The following PTPRM variants were observed in gnomAD, a reference collection of about 807,000 sequenced individuals.
PTPRM encodes the protein receptor-type tyrosine-protein phosphatase mu.
Under a neutral mutation model 186.7 loss-of-function variants are expected in PTPRM, and 47 were observed. That is an observed-to-expected ratio of 0.25 (90% CI 0.20 to 0.32). PTPRM has a LOEUF of 0.32. Ranked by LOEUF, PTPRM falls within the 10% of genes least tolerant of loss-of-function variation. The pLI, the probability that PTPRM is intolerant of heterozygous loss-of-function variation, is 1.00. For synonymous variants in PTPRM, 668 were observed against 674.9 expected (o/e 0.99, Z 0.16); for missense variants, 1,494 against 1,865.0 (o/e 0.80, Z 3.66).
intron 1 of PTPRM, among the ~76,000 whole-genome samples, chr18:7,671,149 G>A (rs961501198): frequency 1.3e-5 from 2 of 152,124 alleles, no homozygotes; most frequent in African/African-American, 2.4e-5. Flanking sequence ...TAAACATCAT[G>A]CACCTCCTTG....
At chr18:7,913,349 A>G (rs1411982059) in intron 4 of PTPRM, among the ~76,000 whole-genome samples, 3 of 152,146 alleles carry the variant, frequency 2.0e-5, no homozygotes, top group East Asian at 1.9e-4. Context: ...CTAGTTTGCC[A>G]TGGCTAAAAC....
rs2095709967 is a variant in PTPRM at position 8,378,428 on chromosome 18, A to G, written c.3612+14A>G. On this transcript the variant is annotated intron_variant, in intron 27 of 32. Transcript: ENST00000580170. Reference sequence around the variant, plus strand: ...GAGGAATTCCGGGTAAGTGATGCCTAAGGGAGGGGCACTGCACGGTGACTT... The same window carrying G: ...GAGGAATTCCGGGTAAGTGATGCCTGAGGGAGGGGCACTGCACGGTGACTT... 6.2e-7 allele frequency: 1 copy of G among 1,613,518 alleles called. No homozygotes were observed. The highest frequency in any genetic ancestry group is 1.7e-5 in the Admixed American group (1 of 59,986).
At chr18:7,633,214 A>G (rs1364535957) in intron 1 of PTPRM, among the ~76,000 whole-genome samples, 1 of 152,160 alleles carries the variant, frequency 6.6e-6, no homozygotes, top group Non-Finnish European at 1.5e-5. Flanking sequence ...ATGTTGCAAA[A>G]ATAAGAGAGT....
chr18:8,381,985 T>A (rs980097051), intron 29 of PTPRM, among the ~76,000 whole-genome samples: 7 of 152,182 alleles, frequency 4.6e-5, no homozygotes, highest in South Asian at 2.1e-4. Flanking sequence ...CCGAACTATC[T>A]GGACTCAAAC....
chr18:7,756,448 A>T (rs1371354590), intron 1 of PTPRM, among the ~76,000 whole-genome samples: 1 of 152,186 alleles, frequency 6.6e-6, no homozygotes, highest in Non-Finnish European at 1.5e-5. Flanking sequence ...AATAAATCTC[A>T]CTTCTCCATG....
chr18:7,752,559 G>A (rs557530289), intron 1 of PTPRM, among the ~76,000 whole-genome samples: 1 of 152,080 alleles, frequency 6.6e-6, no homozygotes, highest in African/African-American at 2.4e-5. Flanking sequence ...GAGTAGCTGG[G>A]ATTACAGGTG....
intron 7 of PTPRM, among the ~76,000 whole-genome samples, chr18:8,007,414 A>G (rs1178645415): frequency 6.6e-6 from 1 of 152,176 alleles, no homozygotes; most frequent in East Asian, 1.9e-4. Flanking sequence ...AGCCTCACTT[A>G]CTTGCTAAAG....
At chr18:7,734,786 T>G (rs189775285) in intron 1 of PTPRM, among the ~76,000 whole-genome samples, 1 of 152,302 alleles carries the variant, frequency 6.6e-6, no homozygotes, top group Non-Finnish European at 1.5e-5. Context: ...AAGTGAATTC[T>G]CCAAAGAATG....
intron 4 of PTPRM, among the ~76,000 whole-genome samples, chr18:7,916,677 T>A (rs909947833): frequency 6.6e-6 from 1 of 152,222 alleles, no homozygotes; most frequent in Non-Finnish European, 1.5e-5. Flanking sequence ...CACATAATTG[T>A]ACATACCTAT....
intron 2 of PTPRM, among the ~76,000 whole-genome samples, chr18:7,881,948 A>G (rs558650438): frequency 6.6e-6 from 1 of 152,336 alleles, no homozygotes; most frequent in South Asian, 2.1e-4. Flanking sequence ...CTTTGGGTTA[A>G]GAAAGCAGAT....
chr18:7,669,410 C>T (rs924386456), intron 1 of PTPRM, among the ~76,000 whole-genome samples: 1 of 152,104 alleles, frequency 6.6e-6, no homozygotes, highest in East Asian at 1.9e-4. Flanking sequence ...TTTGTGAACT[C>T]CTACAGGTGT....
intron 1 of PTPRM, among the ~76,000 whole-genome samples, chr18:7,642,840 C>A (rs1183692609): frequency 3.1e-5 from 4 of 127,712 alleles, no homozygotes; most frequent in Non-Finnish European, 6.2e-5. Context: ...TCAGTAAGAG[C>A]CTTTACTTAA....
chr18:8,339,446 C>G (rs773067322), intron 22 of PTPRM, among the ~76,000 whole-genome samples: 1 of 152,158 alleles, frequency 6.6e-6, no homozygotes, highest in East Asian at 1.9e-4. Flanking sequence ...TGGCTCCCCC[C>G]CAGCCAGAAA....
At chr18:7,759,587 CCCACTTTTCAT>C (rs2144732020) in intron 1 of PTPRM, among the ~76,000 whole-genome samples, 1 of 152,262 alleles carries the variant, frequency 6.6e-6, no homozygotes, top group South Asian at 2.1e-4. Flanking sequence ...TTATTTTCCA[CCCACTTTTCAT>C]ATGTCTAATA....
chr18:8,386,149 AC>A (rs1214262243), intron 30 of PTPRM, among the ~76,000 whole-genome samples: 2 of 152,172 alleles, frequency 1.3e-5, no homozygotes, highest in Non-Finnish European at 2.9e-5. Flanking sequence ...GTTTGGGATG[AC>A]TTTTAGGCCC....
intron 23 of PTPRM, among the ~76,000 whole-genome samples, chr18:8,343,926 G>A (rs78346503): frequency 2.1e-3 from 320 of 152,228 alleles, no homozygotes; most frequent in African/African-American, 7.6e-3. Context: ...TAGAATTCCA[G>A]CATCTTCTCT....
chr18:8,118,279 G>T (rs1033438864), intron 13 of PTPRM, among the ~76,000 whole-genome samples: 8 of 152,122 alleles, frequency 5.3e-5, no homozygotes, highest in African/African-American at 1.4e-4. Flanking sequence ...CTTTCCTGTT[G>T]TTCATTTAAA....
In PTPRM at chr18:8,020,419, C is replaced by T. The variant is rs190589419; in HGVS notation, c.1133-49267C>T. On this transcript the variant is annotated intron_variant, in intron 7 of 32. Transcript: ENST00000580170. ...AATGCATGTGGTCAAGAAGAATTTT[C>T]CTAGTCCTGTGACTGTTTAAAATTT... 2.3e-3 allele frequency among the ~76,000 whole-genome samples: 348 copies of T among 152,250 alleles called. 1 individual carries two copies. The highest frequency in any genetic ancestry group is 7.8e-3 in the African/African-American group (324 of 41,542).
At chr18:7,708,730 ATT>A (rs530248138) in intron 1 of PTPRM, among the ~76,000 whole-genome samples, 10 of 151,936 alleles carry the variant, frequency 6.6e-5, no homozygotes, top group African/African-American at 2.4e-4. Flanking sequence ...TCCACAGTTC[ATT>A]TTTTTTATTT....
Sources: gnomAD v4.1 joint callset for allele counts (sites outside exome capture counted in the v4.1 genomes callset) on GRCh38, gnomAD v4.1.1 for gene constraint, MANE v1.5 for transcripts, NCBI Gene and HGNC (gene_info 2026-07-23, HGNC 2026-07-21) for gene names.